PSMG2: variants seen among roughly 807,000 people sequenced by gnomAD.
PSMG2 encodes proteasome assembly chaperone 2.
In PSMG2, 21 loss-of-function variants were observed where a neutral mutation model predicts 31.5. That is an observed-to-expected ratio of 0.67 (90% CI 0.47 to 0.96). PSMG2 has a LOEUF of 0.96. PSMG2 is among the 40% of genes least tolerant of loss of function. The pLI is 0.00. For missense variants in PSMG2, 318 were observed against 321.2 expected, an observed-to-expected ratio of 0.99 and a Z score of 0.08; for synonymous variants, 120 against 110.4, an observed-to-expected ratio of 1.09 and a Z score of -0.54.
At chr18:12,715,264 C>T (rs1260941444) in intron 3 of PSMG2, among the ~76,000 whole-genome samples, 1 of 152,170 alleles carries the variant, frequency 6.6e-6, no homozygotes, top group Non-Finnish European at 1.5e-5. Context: ...CCGCCTCAAC[C>T]TCCCAAAGTA....
chr18:12,696,284 C>G (rs865824779), intron 1 of PSMG2, among the ~76,000 whole-genome samples: 88 of 152,224 alleles, frequency 5.8e-4, no homozygotes, highest in African/African-American at 1.8e-3. Flanking sequence ...GCGGGCAGAT[C>G]ACGAGGTCAA....
chr18:12,723,121 G>A (rs1476738629), intron 5 of PSMG2, among the ~76,000 whole-genome samples: 3 of 152,180 alleles, frequency 2.0e-5, no homozygotes, highest in Non-Finnish European at 2.9e-5. Context: ...TGAGACTTCC[G>A]AATGTATATA....
chr18:12,678,072 A>C (rs752644871), intron 1 of PSMG2: 5 of 1,515,072 alleles, frequency 3.3e-6, no homozygotes, highest in Admixed American at 1.7e-5. Context: ...ATAAATGAAA[A>C]GAAGTATGAA....
intron 1 of PSMG2, among the ~76,000 whole-genome samples, chr18:12,704,910 C>T (rs1051057252): frequency 1.3e-5 from 2 of 151,822 alleles, no homozygotes; most frequent in African/African-American, 2.4e-5. Flanking sequence ...AGGGAACACC[C>T]GAAGGACAGA....
Position 12,720,557 on chromosome 18 carries a change from A to G in PSMG2, c.455A>G (p.Gln152Arg). Residue 152 changes from glutamine (Q) to arginine (R), a missense_variant, in exon 5 of 7, where the codon CAA (glutamine) becomes CGA (arginine). Coordinates refer to ENST00000317615, the MANE Select transcript of PSMG2 (RefSeq NM_020232.5). ...ACACCTTCCATGCAAAAAAGTGTTC[A>G]AAATAAAATAAAGAGCCTTAACTGG... ...LLTPSMQKSV[Q>R]NKIKSLNWEE... is the part of the protein sequence containing the mutation. 6.2e-7 allele frequency: 1 copy of G among 1,612,710 alleles called. No homozygotes were observed. Among genetic ancestry groups the G allele is most frequent in the South Asian group, 1.1e-5 (1 of 90,868 alleles).
In PSMG2 at chr18:12,713,146, T is replaced by C. The variant is rs991575627; in HGVS notation, c.288+386T>C. 2.0e-5 allele frequency among the ~76,000 whole-genome samples: 3 copies of C among 152,228 alleles called. No homozygotes were observed. The East Asian group carries it at 5.8e-4, about 29-fold the overall frequency. On this transcript the variant is annotated intron_variant, in intron 3 of 6. Coordinates refer to ENST00000317615, the MANE Select transcript of PSMG2 (RefSeq NM_020232.5). ...TCCGACTTCTTTCCTCCTCCACTGCTGTCATTGAGTGCAAACCAGTGTCAT... is the reference window on the plus strand; with the variant it reads ...TCCGACTTCTTTCCTCCTCCACTGCCGTCATTGAGTGCAAACCAGTGTCAT...
chr18:12,669,848 T>A (rs941167706), intron 1 of PSMG2, among the ~76,000 whole-genome samples: 1 of 150,892 alleles, frequency 6.6e-6, no homozygotes, highest in Non-Finnish European at 1.5e-5. Context: ...TTAAAAAAAA[T>A]TAGCCAAGTG....
At chr18:12,673,183 C>A in intron 1 of PSMG2, 1 of 1,272,698 alleles carries the variant, frequency 7.9e-7, no homozygotes, top group Non-Finnish European at 1.0e-6. Context: ...GTTTTTCAGC[C>A]TTAATTTTTA....
intron 2 of PSMG2, 84 bp downstream of exon 2, chr18:12,706,805 G>A: frequency 2.8e-6 from 4 of 1,403,614 alleles, no homozygotes; most frequent in Non-Finnish European, 2.9e-6. Context: ...TAATTGTTTT[G>A]TAGCAAATGT....
intron 1 of PSMG2, among the ~76,000 whole-genome samples, chr18:12,664,652 T>A (rs2038768898): frequency 6.6e-6 from 1 of 151,556 alleles, no homozygotes; most frequent in Non-Finnish European, 1.5e-5. Flanking sequence ...CCCAAAGTGC[T>A]GGGATTACAG....
At chr18:12,671,872 G>A (rs551240348) in intron 1 of PSMG2, among the ~76,000 whole-genome samples, 1 of 152,188 alleles carries the variant, frequency 6.6e-6, no homozygotes, top group South Asian at 2.1e-4. Flanking sequence ...CCACGCTGGA[G>A]TACAGTGGCA....
chr18:12,709,566 T>G (rs2145136980), intron 2 of PSMG2, among the ~76,000 whole-genome samples: 1 of 151,986 alleles, frequency 6.6e-6, no homozygotes, highest in African/African-American at 2.4e-5. Flanking sequence ...TGCCACGATT[T>G]TGGTTCACTG....
chr18:12,710,289 A>G (rs2040316435), intron 2 of PSMG2, among the ~76,000 whole-genome samples: 1 of 152,142 alleles, frequency 6.6e-6, no homozygotes. Flanking sequence ...AAGCTTCACC[A>G]TAAATTTGAT....
upstream of PSMG2, among the ~76,000 whole-genome samples, chr18:12,701,652 T>G (rs1326580204): frequency 6.6e-6 from 1 of 152,176 alleles, no homozygotes; most frequent in African/African-American, 2.4e-5. Context: ...TTTTATCACT[T>G]CAGCATCTTG....
chr18:12,680,333 C>T (rs1163678873), intron 1 of PSMG2, among the ~76,000 whole-genome samples: 6 of 152,052 alleles, frequency 3.9e-5, no homozygotes, highest in African/African-American at 1.4e-4. Context: ...CAGTGGCTCA[C>T]GCCTGTAATC....
At chr18:12,663,942 A>C (rs1334945113) in intron 1 of PSMG2, among the ~76,000 whole-genome samples, 1 of 152,208 alleles carries the variant, frequency 6.6e-6, no homozygotes, top group Non-Finnish European at 1.5e-5. Context: ...AGGCAGGCAG[A>C]TCACCTGAGG....
At chr18:12,688,322 ATCAT>A (rs2039622831) in intron 1 of PSMG2, among the ~76,000 whole-genome samples, 1 of 152,128 alleles carries the variant, frequency 6.6e-6, no homozygotes, top group Non-Finnish European at 1.5e-5. Context: ...TTCAAAAAGC[ATCAT>A]TCAATGAATT....
chr18:12,705,291 T>C (rs1000518696), intron 1 of PSMG2, among the ~76,000 whole-genome samples: 1 of 152,118 alleles, frequency 6.6e-6, no homozygotes, highest in African/African-American at 2.4e-5. Context: ...CTCAAACTCC[T>C]AACCTCAGGT....
intron 1 of PSMG2, among the ~76,000 whole-genome samples, chr18:12,672,177 C>T (rs1014001429): frequency 7.1e-6 from 1 of 140,746 alleles, no homozygotes; most frequent in African/African-American, 2.7e-5. Flanking sequence ...TGCAGTGGCG[C>T]GATCTCACCT....
Sources: allele counts gnomAD v4.1 joint callset (sites outside exome capture counted in the v4.1 genomes callset), GRCh38; gene constraint gnomAD v4.1.1; transcripts MANE v1.5; gene names NCBI Gene and HGNC (gene_info 2026-07-23, HGNC 2026-07-21).